Variants in SLC4A8 observed in about 807,000 individuals in gnomAD.
The protein encoded by SLC4A8 is electroneutral sodium bicarbonate exchanger 1.
SLC4A8 carries 40 observed loss-of-function variants against 125.0 expected under a neutral mutation model. The ratio of observed to expected loss-of-function variants is 0.32; its 90% CI spans 0.25 to 0.42. The LOEUF (loss-of-function observed/expected upper bound fraction) is 0.42, where lower values mean the gene tolerates loss of function less well. Ranked by LOEUF, SLC4A8 falls within the 10% of genes least tolerant of loss-of-function variation. The probability of loss-of-function intolerance (pLI) is 1.00; values close to 1 mark genes in which losing one functional copy is unlikely to be tolerated. For synonymous variants in SLC4A8, 456 were observed against 476.0 expected, an observed-to-expected ratio of 0.96 and a Z score of 0.55; for missense variants, 863 against 1,355.1, an observed-to-expected ratio of 0.64 and a Z score of 5.70.
At chr12:51,474,240 C>T in intron 14 of SLC4A8, 102 bp from the exon 15 acceptor site, 1 of 675,778 alleles carries the variant, frequency 1.5e-6, no homozygotes, top group Non-Finnish European at 2.5e-6. Context: ...TGCAAAGAAG[C>T]AGCAAGGCAG....
At chr12:51,431,571 G>T (rs950641454) in intron 1 of SLC4A8, among the ~76,000 whole-genome samples, 2 of 152,160 alleles carry the variant, frequency 1.3e-5, no homozygotes, top group African/African-American at 4.8e-5. Flanking sequence ...CTGAGAAGAG[G>T]AAGTCTGGAA....
chr12:51,435,957 C>G (rs1949394650), intron 1 of SLC4A8, among the ~76,000 whole-genome samples: 1 of 152,118 alleles, frequency 6.6e-6, no homozygotes, highest in South Asian at 2.1e-4. Context: ...ACTAATTATA[C>G]TCATTGCTAC....
At position 51,475,168 on chromosome 12, in the gene SLC4A8, T is replaced by G. The variant is rs1266936442; in HGVS notation, c.2134T>G (p.Leu712Val). 1 of 1,614,158 alleles carries G rather than the reference T, an allele frequency of 6.2e-7. No individual in the cohort carries two copies. The highest frequency in any genetic ancestry group is 8.5e-7 in the Non-Finnish European group (1 of 1,179,982). ...FFTTFILSST[L>V]KTFKTSRYFP... ...CACCACCTTCATCCTCTCAAGCACC[T>G]TAAAGACGTTTAAGACGAGCCGTTA... Residue 712 changes from leucine to valine, a missense_variant, in exon 16 of 25, where the codon TTA becomes GTA. Leu to Val is a conservative substitution (Grantham distance 32). Around this residue, in one of 6 missense-constraint regions of SLC4A8, gnomAD observed 197 missense variants for 377.7 expected, o/e 0.52. Coordinates refer to ENST00000453097, the MANE Select transcript of SLC4A8 (RefSeq NM_001039960.3).
intron 9 of SLC4A8, 60 bp downstream of exon 9, chr12:51,461,351 G>A: frequency 1.0e-6 from 1 of 993,680 alleles, no homozygotes; most frequent in South Asian, 1.3e-5. Context: ...TATTTACTCT[G>A]TGCCAGGCAA....
chr12:51,503,412 C>T (rs569278803), intron 22 of SLC4A8, among the ~76,000 whole-genome samples: 5 of 151,440 alleles, frequency 3.3e-5, no homozygotes, highest in Non-Finnish European at 5.9e-5. Context: ...GAGGTTTCAC[C>T]GTGTTAGCCA....
chr12:51,391,554 G>A (rs1948108104), intron 1 of SLC4A8: 1 of 152,714 alleles, frequency 6.5e-6, no homozygotes. Flanking sequence ...GGGGAGCTCA[G>A]GGGGGCCCTC....
intron 2 of SLC4A8, among the ~76,000 whole-genome samples, chr12:51,443,739 C>T (rs1949677310): frequency 6.6e-6 from 1 of 152,180 alleles, no homozygotes; most frequent in Admixed American, 6.5e-5. Context: ...TTCACCTCTG[C>T]AGTTATTGAC....
intron 1 of SLC4A8, among the ~76,000 whole-genome samples, chr12:51,415,162 TTGTG>T (rs1948661410): frequency 6.6e-6 from 1 of 152,090 alleles, no homozygotes. Context: ...GCAAAAGTAA[TTGTG>T]GTTTTTACCA....
chr12:51,445,380 C>T (rs1396844922), intron 2 of SLC4A8, among the ~76,000 whole-genome samples: 2 of 152,116 alleles, frequency 1.3e-5, no homozygotes, highest in Non-Finnish European at 2.9e-5. Flanking sequence ...GTTGCTCAGG[C>T]TGGTTTCAAA....
intron 1 of SLC4A8, among the ~76,000 whole-genome samples, chr12:51,405,344 C>T (rs1331932483): frequency 2.0e-5 from 3 of 152,202 alleles, no homozygotes; most frequent in African/African-American, 7.2e-5. Context: ...CGCTTCAGGA[C>T]ATACTGTACC....
chr12:51,406,369 T>C (rs1161541797), intron 1 of SLC4A8, among the ~76,000 whole-genome samples: 2 of 152,134 alleles, frequency 1.3e-5, no homozygotes, highest in Non-Finnish European at 2.9e-5. Context: ...TGATGTGGGG[T>C]AGAGTGTTAG....
chr12:51,500,255 G>GT (rs1565823815), intron 22 of SLC4A8, among the ~76,000 whole-genome samples: 2 of 152,118 alleles, frequency 1.3e-5, no homozygotes, highest in African/African-American at 4.8e-5. Flanking sequence ...AATTCCTGAA[G>GT]TAAGTACATA....
chr12:51,508,831 A>G lies in SLC4A8; in HGVS notation c.*1393A>G, dbSNP rs1938268059. 1.3e-5 allele frequency: 2 copies of G among 152,170 alleles called. No homozygotes were observed. Among genetic ancestry groups the G allele is most frequent in the African/African-American group, 4.8e-5 (2 of 41,422 alleles). 9.4% of individuals were successfully genotyped at this position (152,170 alleles called of 1,614,324 possible). A position where few individuals can be genotyped will look rare whatever the true frequency, so the allele number is the denominator to read the frequency against. Reference sequence around the variant, plus strand: ...ATCATGTTAGTTTCCCATCCTGGAAAATCTTTGTACAGTGGGAAGTTCCCC... The same window carrying G: ...ATCATGTTAGTTTCCCATCCTGGAAGATCTTTGTACAGTGGGAAGTTCCCC... On this transcript the variant is annotated 3_prime_UTR_variant, in exon 25 of 25. Transcript: ENST00000453097.
chr12:51,440,615 C>CGTG (rs1949565042), intron 1 of SLC4A8, 93 bp from the exon 2 acceptor site: 1 of 903,688 alleles, frequency 1.1e-6, no homozygotes, highest in Non-Finnish European at 1.7e-6. Context: ...GTGTTTCCCC[C>CGTG]GTAAGTATCT....
At chr12:51,415,117 T>C (rs1232876908) in intron 1 of SLC4A8, among the ~76,000 whole-genome samples, 1 of 152,174 alleles carries the variant, frequency 6.6e-6, no homozygotes, top group Non-Finnish European at 1.5e-5. Flanking sequence ...AGTTTTCTTT[T>C]TTGTTGTTGT....
At chr12:51,482,963 C>T (rs1030784149) in intron 16 of SLC4A8, among the ~76,000 whole-genome samples, 2 of 152,168 alleles carry the variant, frequency 1.3e-5, no homozygotes, top group Non-Finnish European at 2.9e-5. Context: ...GAGCTGCTAT[C>T]TTTGCACTTA....
intron 22 of SLC4A8, chr12:51,497,562 T>A: frequency 6.5e-6 from 1 of 154,666 alleles, no homozygotes; most frequent in South Asian, 2.0e-4. Flanking sequence ...TTCATTTCCC[T>A]CAGCACTTGG....
chr12:51,417,592 G>A (rs1377071554), intron 1 of SLC4A8, among the ~76,000 whole-genome samples: 14 of 148,380 alleles, frequency 9.4e-5, no homozygotes, highest in Admixed American at 2.0e-4. Flanking sequence ...ATCTTGGCTC[G>A]CTGCAGCCTC....
At chr12:51,477,041 G>A (rs1423928160) in intron 16 of SLC4A8, among the ~76,000 whole-genome samples, 1 of 151,612 alleles carries the variant, frequency 6.6e-6, no homozygotes, top group Non-Finnish European at 1.5e-5. Flanking sequence ...CAAAGTAGCT[G>A]GGATTGCAGG....
Sources: allele counts gnomAD v4.1 joint callset (sites outside exome capture counted in the v4.1 genomes callset), GRCh38; gene constraint gnomAD v4.1.1; regional missense constraint gnomAD v4.1.1; transcripts MANE v1.5; gene names NCBI Gene and HGNC (gene_info 2026-07-23, HGNC 2026-07-21).